Variants in TRPS1 observed in about 807,000 individuals in gnomAD.
TRPS1 encodes transcriptional repressor GATA binding 1.
TRPS1 carries 6 observed loss-of-function variants against 101.2 expected under a neutral mutation model. The observed-to-expected ratio is 0.06, with a 90% CI of 0.03 to 0.12. TRPS1 has a LOEUF of 0.12. Among genes scored for constraint, TRPS1 ranks in the 10% least tolerant of loss-of-function variants. TRPS1 has a pLI of 1.00. For missense variants in TRPS1, 1,363 were observed against 1,567.0 expected (o/e 0.87, Z 2.20); for synonymous variants, 578 against 589.8 (o/e 0.98, Z 0.29).
At chr8:115,549,703 GC>G (rs1261319794) in intron 5 of TRPS1, among the ~76,000 whole-genome samples, 3 of 142,764 alleles carry the variant, frequency 2.1e-5, no homozygotes, top group Non-Finnish European at 4.6e-5. Context: ...AAACAAAACA[GC>G]CCTTTGGAGT....
chr8:115,566,706 G>T (rs1291570983), intron 5 of TRPS1, among the ~76,000 whole-genome samples: 1 of 152,038 alleles, frequency 6.6e-6, no homozygotes, highest in Non-Finnish European at 1.5e-5. Context: ...ACCTCTATCT[G>T]TAAAAATTTA....
At chr8:115,528,726 T>C (rs1816059670) in intron 5 of TRPS1, among the ~76,000 whole-genome samples, 1 of 152,036 alleles carries the variant, frequency 6.6e-6, no homozygotes, top group Non-Finnish European at 1.5e-5. Context: ...CACTTTATTA[T>C]AAATAGTCTC....
chr8:115,426,784 C>T (rs765784375), intron 5 of TRPS1, among the ~76,000 whole-genome samples: 54 of 152,200 alleles, frequency 3.5e-4, no homozygotes, highest in Non-Finnish European at 6.2e-4. Context: ...ATTTGAGTGC[C>T]GACTGATCCA....
At position 115,410,486 on chromosome 8, in the gene TRPS1, A is replaced by C. The variant is rs1812764682; in HGVS notation, c.*3537T>G. The C allele has an allele frequency of 6.6e-6, 1 of 152,334 alleles. No individual in the cohort carries two copies. Among genetic ancestry groups the C allele is most frequent in the Non-Finnish European group, 1.5e-5 (1 of 67,906 alleles). 9.4% of individuals were successfully genotyped at this position (152,334 alleles called of 1,614,324 possible). The stretch of plus-strand genomic sequence containing the variant: ...ACATCACTATCTTAAAAGTTGATTA[A>C]AAAAAATCTCAATATGTCATGTAGA... On this transcript the variant is annotated 3_prime_UTR_variant, in exon 7 of 7. Transcript: ENST00000395715.
chr8:115,603,076 T>C (rs1400801304), intron 4 of TRPS1, among the ~76,000 whole-genome samples: 2 of 152,182 alleles, frequency 1.3e-5, no homozygotes, highest in East Asian at 3.9e-4. Context: ...TCTTGTATAT[T>C]CAATGCCTGG....
intron 5 of TRPS1, among the ~76,000 whole-genome samples, chr8:115,460,498 T>C (rs1434013674): frequency 6.6e-6 from 1 of 152,060 alleles, no homozygotes; most frequent in African/African-American, 2.4e-5. Context: ...TAGATAAATA[T>C]TTTATTTTTA....
intron 5 of TRPS1, among the ~76,000 whole-genome samples, chr8:115,453,179 T>G (rs1334643614): frequency 6.6e-6 from 1 of 151,956 alleles, no homozygotes; most frequent in Non-Finnish European, 1.5e-5. Context: ...CACCACCACA[T>G]CCAGCTACCT....
intron 5 of TRPS1, among the ~76,000 whole-genome samples, chr8:115,462,901 C>A (rs1360216822): frequency 6.6e-6 from 1 of 151,922 alleles, no homozygotes; most frequent in Non-Finnish European, 1.5e-5. Context: ...AGGATACTGC[C>A]AAAAAGGCAT....
Position 115,542,531 on chromosome 8 carries a change from G to GA in TRPS1, c.2700+44469dup, listed in dbSNP as rs1438431940. ...ACGCCAGAGTCCTTTCCAGAACTTA[G>GA]AAAAAAAAAGAAATAAAGACGGGGA... is the stretch of plus-strand genomic sequence containing the variant. On this transcript the variant is annotated intron_variant, in intron 5 of 6. Coordinates refer to ENST00000395715, the MANE Select transcript of TRPS1 (RefSeq NM_014112.5). Among the ~76,000 whole-genome samples, 114 of 150,764 alleles carry GA rather than the reference G, an allele frequency of 7.6e-4. 1 individual carries two copies. Among genetic ancestry groups the GA allele is most frequent in the Middle Eastern group, 3.4e-3 (1 of 294 alleles).
intron 1 of TRPS1, among the ~76,000 whole-genome samples, chr8:115,654,400 G>A (rs1253669278): frequency 2.0e-5 from 3 of 152,052 alleles, no homozygotes; most frequent in African/African-American, 7.2e-5. Flanking sequence ...AAATGCTGAG[G>A]AGTTTATGTA....
intron 5 of TRPS1, among the ~76,000 whole-genome samples, chr8:115,552,269 C>CA (rs923551189): frequency 6.0e-5 from 9 of 150,138 alleles, no homozygotes; most frequent in East Asian, 1.9e-4. Context: ...AAGACCTTTT[C>CA]AAAAAAAAAT....
chr8:115,648,932 C>T (rs181286376), intron 1 of TRPS1, among the ~76,000 whole-genome samples: 1 of 151,924 alleles, frequency 6.6e-6, no homozygotes, highest in East Asian at 1.9e-4. Context: ...GGGTAGTTAC[C>T]CAGGAGTATA....
intron 1 of TRPS1, among the ~76,000 whole-genome samples, chr8:115,658,589 T>C (rs187231424): frequency 3.3e-5 from 5 of 152,286 alleles, no homozygotes; most frequent in Admixed American, 3.3e-4. Flanking sequence ...TAATCATTAT[T>C]ACTCTCATTT....
rs565911966 is a variant in TRPS1 at position 115,446,661 on chromosome 8, C to T, written c.2701-28209G>A. 2.5e-3 allele frequency among the ~76,000 whole-genome samples: 375 copies of T among 152,264 alleles called. 4 individuals carry two copies. Among genetic ancestry groups the T allele is most frequent in the South Asian group, 9.3e-3 (45 of 4,826 alleles). On this transcript the variant is annotated intron_variant, in intron 5 of 6. Coordinates refer to ENST00000395715, the MANE Select transcript of TRPS1 (RefSeq NM_014112.5). ...CTGATTACAGTCTACCATGCATTCT[C>T]GCTCTATCCATGGCTATTCTAGAAT...
At position 115,654,630 on chromosome 8, in the gene TRPS1, T is replaced by C. The variant is rs865793501; in HGVS notation, c.-122+13915A>G. Among the ~76,000 whole-genome samples, 26 of 152,324 alleles carry C rather than the reference T, an allele frequency of 1.7e-4. No homozygotes were observed. The Middle Eastern group carries it at 0.017, about 100-fold the overall frequency. Reference sequence around the variant, plus strand: ...ATATAGATAAATGTTAAAGCTGCTTTAAGCTAAAGGGAAAAGTAATACAAA... The same window carrying C: ...ATATAGATAAATGTTAAAGCTGCTTCAAGCTAAAGGGAAAAGTAATACAAA... On this transcript the variant is annotated intron_variant, in intron 1 of 6. Transcript: ENST00000395715.
intron 5 of TRPS1, among the ~76,000 whole-genome samples, chr8:115,477,301 C>A (rs751748018): frequency 6.6e-5 from 10 of 152,098 alleles, no homozygotes; most frequent in Admixed American, 3.3e-4. Flanking sequence ...ATTTTTTCAG[C>A]ATAAAACAAT....
Position 115,414,633 on chromosome 8 carries a change from T to C in TRPS1, c.3275A>G (p.Asn1092Ser), listed in dbSNP as rs1363758179. The change falls in exon 7 of 7, where the codon AAT becomes AGT. Residue 1092 changes from asparagine to serine, a missense_variant. Transcript: ENST00000395715. This position sits in a 1 kb window ranked among gnomAD's most constrained non-coding sequence, Gnocchi z 4.8. ...AATAGGGCTGCCTGGTGGTGAATAATTTGGGTGTTTCGCAGGTCTCATGTA... is the reference window on the plus strand; with the variant it reads ...AATAGGGCTGCCTGGTGGTGAATAACTTGGGTGTTTCGCAGGTCTCATGTA... ...EKYMRPAKHPNYSPPGSPIEK... is the reference protein window; with the variant it reads ...EKYMRPAKHPSYSPPGSPIEK... 13 of 1,613,900 alleles carry C rather than the reference T, an allele frequency of 8.1e-6. No individual in the cohort carries two copies. The highest frequency in any genetic ancestry group is 2.7e-5 in the African/African-American group (2 of 74,880).
intron 5 of TRPS1, among the ~76,000 whole-genome samples, chr8:115,480,182 T>C (rs959448487): frequency 9.2e-5 from 14 of 152,116 alleles, no homozygotes; most frequent in Non-Finnish European, 1.3e-4. Context: ...ATTTAGAAGT[T>C]TGTGTTCTCA....
intron 5 of TRPS1, among the ~76,000 whole-genome samples, chr8:115,481,205 GT>G (rs1814743293): frequency 6.6e-6 from 1 of 152,058 alleles, no homozygotes; most frequent in Non-Finnish European, 1.5e-5. Flanking sequence ...GATATTTCAG[GT>G]TTATAAATAG....
Sources: gnomAD v4.1 joint callset for allele counts (sites outside exome capture counted in the v4.1 genomes callset) on GRCh38, gnomAD v4.1.1 for gene constraint, Gnocchi (gnomAD v3.1) non-coding constraint, MANE v1.5 for transcripts, NCBI Gene and HGNC (gene_info 2026-07-23, HGNC 2026-07-21) for gene names.